Variants in CELF4 observed in about 807,000 individuals in gnomAD.
The protein encoded by CELF4 is CUGBP Elav-like family member 4.
A neutral mutation model predicts 59.9 loss-of-function variants in CELF4; 18 were observed. The ratio of observed to expected loss-of-function variants is 0.30; its 90% confidence interval spans 0.21 to 0.45. The LOEUF is 0.45. CELF4 is among the 20% of genes least tolerant of loss of function. The pLI, the probability that CELF4 is intolerant of heterozygous loss-of-function variation, is 1.00. For missense variants in CELF4, 456 were observed against 689.0 expected (o/e 0.66, Z 3.79); for synonymous variants, 261 against 267.1 (o/e 0.98, Z 0.22).
chr18:37,333,745 CAT>C (rs2097653067), intron 2 of CELF4, among the ~76,000 whole-genome samples: 2 of 148,678 alleles, frequency 1.3e-5, no homozygotes, highest in African/African-American at 5.0e-5. Context: ...TCCATCCATC[CAT>C]CCATCCATCC....
At position 37,430,469 on chromosome 18, in the gene CELF4, C is replaced by T. The variant is rs183111149; in HGVS notation, c.369+55056G>A. Among the ~76,000 whole-genome samples the T allele has an allele frequency of 2.4e-3, 364 of 152,312 alleles. 2 individuals are homozygous for T. Among genetic ancestry groups the T allele is most frequent in the African/African-American group, 8.4e-3 (350 of 41,562 alleles). ...CTCCACCCCCACTCCACACAAACCT[C>T]GGGGCAGGGAGGGTGAAGCCAGCAA... On this transcript the variant is annotated intron_variant, in intron 2 of 12. Transcript: ENST00000420428.
At chr18:37,265,565 G>C (rs528034289) in intron 9 of CELF4, among the ~76,000 whole-genome samples, 66 of 152,304 alleles carry the variant, frequency 4.3e-4, no homozygotes, top group Non-Finnish European at 7.5e-4. Context: ...AGGCTGCCAG[G>C]GGGTAGTCCC....
At chr18:37,367,682 T>C (rs973413481) in intron 2 of CELF4, among the ~76,000 whole-genome samples, 7 of 151,330 alleles carry the variant, frequency 4.6e-5, no homozygotes, top group African/African-American at 1.7e-4. Context: ...GACTGTGTTT[T>C]TTTCTTTTCT....
At chr18:37,385,934 T>C (rs530775839) in intron 2 of CELF4, among the ~76,000 whole-genome samples, 1 of 152,254 alleles carries the variant, frequency 6.6e-6, no homozygotes, top group Non-Finnish European at 1.5e-5. Flanking sequence ...ACTACACTCA[T>C]AGTGCTCAAG....
At position 37,243,186 on chromosome 18, in the gene CELF4, C is replaced by CTTTTTTTTTTTTTTTTTTTT. The variant is rs561464294; in HGVS notation, c.*2036_*2055dup. Reference sequence around the variant, plus strand: ...TGTTTTCTTTTTTTTTTCTTTTTTTCTTTTTTTTTTTTTTTTTTTTACATC... The same window carrying CTTTTTTTTTTTTTTTTTTTT: ...TGTTTTCTTTTTTTTTTCTTTTTTTCTTTTTTTTTTTTTTTTTTTTTTTTTTTTTTTTTTTTTTTTACATC... On this transcript the variant is annotated 3_prime_UTR_variant, in exon 13 of 13. Coordinates refer to ENST00000420428, the MANE Select transcript of CELF4 (RefSeq NM_020180.4). 8.7e-4 allele frequency: 87 copies of CTTTTTTTTTTTTTTTTTTTT among 100,522 alleles called. No individual in the cohort carries two copies. Among genetic ancestry groups the CTTTTTTTTTTTTTTTTTTTT allele is most frequent in the African/African-American group, 1.5e-3 (36 of 24,172 alleles). 6.2% of individuals were successfully genotyped at this position (100,522 alleles called of 1,614,324 possible). A position where few individuals can be genotyped will look rare whatever the true frequency, so the allele number is the denominator to read the frequency against.
At chr18:37,364,241 C>T (rs371057487) in intron 2 of CELF4, among the ~76,000 whole-genome samples, 1 of 152,188 alleles carries the variant, frequency 6.6e-6, no homozygotes, top group African/African-American at 2.4e-5. Flanking sequence ...CCCGTCTCTC[C>T]TCTCCCCTTA....
intron 1 of CELF4, among the ~76,000 whole-genome samples, chr18:37,539,530 A>G (rs912752342): frequency 4.6e-5 from 7 of 152,060 alleles, no homozygotes; most frequent in Non-Finnish European, 7.4e-5. Context: ...GCCTAAACAC[A>G]TGCACAGCTG....
intron 11 of CELF4, among the ~76,000 whole-genome samples, chr18:37,257,570 C>T (rs564122366): frequency 2.3e-4 from 35 of 152,142 alleles, no homozygotes; most frequent in Non-Finnish European, 4.3e-4. Context: ...GAACATGCTC[C>T]GAATCCTCAA....
At chr18:37,438,328 C>T (rs986085730) in intron 2 of CELF4, among the ~76,000 whole-genome samples, 12 of 152,186 alleles carry the variant, frequency 7.9e-5, no homozygotes, top group South Asian at 4.1e-4. Flanking sequence ...TGAAATGGAC[C>T]GAGTATCCAT....
At chr18:37,349,421 T>C (rs976493856) in intron 2 of CELF4, among the ~76,000 whole-genome samples, 1 of 152,236 alleles carries the variant, frequency 6.6e-6, no homozygotes, top group Non-Finnish European at 1.5e-5. Context: ...GGATTCTTTC[T>C]GTAGCGGGTT....
chr18:37,529,506 G>A (rs2099967298), intron 1 of CELF4, among the ~76,000 whole-genome samples: 1 of 152,240 alleles, frequency 6.6e-6, no homozygotes, highest in South Asian at 2.1e-4. Flanking sequence ...CTCAGCACCA[G>A]CTCCCAAATG....
At chr18:37,378,670 C>G (rs2099000576) in intron 2 of CELF4, among the ~76,000 whole-genome samples, 1 of 151,768 alleles carries the variant, frequency 6.6e-6, no homozygotes, top group Non-Finnish European at 1.5e-5. Context: ...GGGGGTAAGC[C>G]ATGCTTTTAT....
At chr18:37,539,697 C>G (rs907048496) in intron 1 of CELF4, among the ~76,000 whole-genome samples, 1 of 152,214 alleles carries the variant, frequency 6.6e-6, no homozygotes, top group African/African-American at 2.4e-5. Context: ...GCTATGTAGA[C>G]AGCACAGACT....
At chr18:37,425,442 G>T (rs1303356655) in intron 2 of CELF4, among the ~76,000 whole-genome samples, 1 of 152,238 alleles carries the variant, frequency 6.6e-6, no homozygotes, top group East Asian at 1.9e-4. Flanking sequence ...GGCAGCTGCT[G>T]CAGGAAGCCC....
intron 2 of CELF4, among the ~76,000 whole-genome samples, chr18:37,483,097 C>A (rs996697578): frequency 6.6e-6 from 1 of 152,174 alleles, no homozygotes; most frequent in Non-Finnish European, 1.5e-5. Flanking sequence ...CCACAGCTGG[C>A]AGGATCGCCT....
intron 2 of CELF4, among the ~76,000 whole-genome samples, chr18:37,412,855 C>T (rs1279908271): frequency 6.6e-6 from 1 of 151,254 alleles, no homozygotes; most frequent in Non-Finnish European, 1.5e-5. Context: ...GCTGCCACTC[C>T]CCGCGCCAAT....
At chr18:37,248,277 T>A (rs2063299904) in intron 12 of CELF4, among the ~76,000 whole-genome samples, 1 of 152,248 alleles carries the variant, frequency 6.6e-6, no homozygotes. Flanking sequence ...TTGGCACTAC[T>A]GAGTTCATCT....
At chr18:37,499,113 G>A (rs2099928546) in intron 1 of CELF4, among the ~76,000 whole-genome samples, 1 of 152,208 alleles carries the variant, frequency 6.6e-6, no homozygotes, top group South Asian at 2.1e-4. Flanking sequence ...ACTCATAGGG[G>A]ACAGGGACCT....
chr18:37,268,031 C>CT (rs2078545502), intron 8 of CELF4, among the ~76,000 whole-genome samples: 1 of 152,142 alleles, frequency 6.6e-6, no homozygotes, highest in Admixed American at 6.5e-5. Context: ...TTGTGAAACT[C>CT]TGTCTCAAAA....
Sources: gnomAD v4.1 joint callset for allele counts (sites outside exome capture counted in the v4.1 genomes callset) on GRCh38, gnomAD v4.1.1 for gene constraint, MANE v1.5 for transcripts, NCBI Gene and HGNC (gene_info 2026-07-23, HGNC 2026-07-21) for gene names.